The following EML6 variants were observed in gnomAD, a reference collection of about 807,000 sequenced individuals.
EML6 encodes the protein EMAP like 6, also known as echinoderm microtubule-associated protein-like 6.
In EML6, 154 loss-of-function variants were observed where a neutral mutation model predicts 240.1. That is an observed-to-expected ratio of 0.64 (90% CI 0.56 to 0.73). The LOEUF (loss-of-function observed/expected upper bound fraction) is 0.73. Ranked by LOEUF, EML6 falls within the 30% of genes least tolerant of loss-of-function variation. The probability of loss-of-function intolerance (pLI) is 0.00; values close to 1 mark genes in which losing one functional copy is unlikely to be tolerated. For missense variants in EML6, 2,964 were observed against 2,474.6 expected, an observed-to-expected ratio of 1.20 and a Z score of -4.20; for synonymous variants, 1,148 against 899.0, an observed-to-expected ratio of 1.28 and a Z score of -4.95.
At chr2:54,929,642 G>C (rs1246617846) in intron 28 of EML6, among the ~76,000 whole-genome samples, 1 of 151,818 alleles carries the variant, frequency 6.6e-6, no homozygotes, top group Non-Finnish European at 1.5e-5. Context: ...CAATAAGTCT[G>C]ACCTATCACT....
chr2:54,810,708 A>C (rs1572935345), intron 2 of EML6, among the ~76,000 whole-genome samples: 1 of 151,966 alleles, frequency 6.6e-6, no homozygotes, highest in East Asian at 1.9e-4. Flanking sequence ...GGCAGCATTC[A>C]CTCCCTCTTC....
At chr2:54,951,923 T>G (rs991488799) in intron 30 of EML6, among the ~76,000 whole-genome samples, 1 of 152,216 alleles carries the variant, frequency 6.6e-6, no homozygotes, top group Non-Finnish European at 1.5e-5. Context: ...TACACCATCA[T>G]TCATCTTTAG....
At chr2:54,820,130 G>A (rs1050465782) in intron 4 of EML6, among the ~76,000 whole-genome samples, 2 of 152,034 alleles carry the variant, frequency 1.3e-5, no homozygotes, top group Non-Finnish European at 2.9e-5. Flanking sequence ...ATCTCAAATG[G>A]ACAAAATTAA....
intron 32 of EML6, among the ~76,000 whole-genome samples, chr2:54,957,015 A>C (rs1164432256): frequency 6.6e-5 from 10 of 152,214 alleles, no homozygotes; most frequent in Non-Finnish European, 4.4e-5. Context: ...ATACTGGCTA[A>C]CACATGATCA....
In EML6 at chr2:54,863,861, A is replaced by G; in HGVS notation, c.1904A>G (p.Gln635Arg). The G allele has an allele frequency of 6.5e-7, 1 of 1,545,408 alleles. No individual in the cohort carries two copies. The highest frequency in any genetic ancestry group is 8.7e-7 in the Non-Finnish European group (1 of 1,143,320). Residue 635 changes from glutamine to arginine, a missense_variant, in exon 13 of 42, where the codon CAA becomes CGA. Physicochemically the swap from Gln to Arg is conservative, Grantham distance 43. Transcript: ENST00000356458. ...DVPELDSDIE[Q>R]EAQINYDRQV... ...CCCGAACTGGACTCTGATATTGAGC[A>G]AGAAGCTCAAATCAATTATGATCGC...
intron 28 of EML6, among the ~76,000 whole-genome samples, chr2:54,929,576 T>C (rs908607993): frequency 6.6e-6 from 1 of 152,226 alleles, no homozygotes; most frequent in African/African-American, 2.4e-5. Flanking sequence ...GGTCCCACAA[T>C]ATGTAATTTA....
intron 2 of EML6, among the ~76,000 whole-genome samples, chr2:54,808,008 C>G (rs1027017542): frequency 6.6e-6 from 1 of 152,234 alleles, no homozygotes; most frequent in Non-Finnish European, 1.5e-5. Flanking sequence ...CACCACTCAT[C>G]AAGCTTGTTA....
chr2:54,931,425 A>G (rs1212214613), intron 28 of EML6, among the ~76,000 whole-genome samples: 1 of 152,170 alleles, frequency 6.6e-6, no homozygotes, highest in Non-Finnish European at 1.5e-5. Context: ...CATGGACTCT[A>G]GCATCCTGGA....
intron 2 of EML6, among the ~76,000 whole-genome samples, chr2:54,812,887 A>G (rs1225209193): frequency 6.6e-6 from 1 of 152,224 alleles, no homozygotes; most frequent in Admixed American, 6.5e-5. Flanking sequence ...AGCTAACTTG[A>G]AAACAAGTAA....
At chr2:54,840,795 G>T (rs1289393667) in intron 7 of EML6, among the ~76,000 whole-genome samples, 1 of 152,212 alleles carries the variant, frequency 6.6e-6, no homozygotes, top group African/African-American at 2.4e-5. Context: ...TCTCTTCACA[G>T]ACCTTTCTAT....
chr2:54,963,870 G>A (rs1676633403), intron 36 of EML6, 116 bp from the exon 37 acceptor site: 2 of 831,412 alleles, frequency 2.4e-6, no homozygotes, highest in African/African-American at 3.5e-5. Context: ...CAAGAGATTT[G>A]GTGGCCTGCA....
chr2:54,772,142 CA>C (rs1668428826), intron 2 of EML6, among the ~76,000 whole-genome samples: 1 of 152,148 alleles, frequency 6.6e-6, no homozygotes. Context: ...GCAATTTTAC[CA>C]ACTATTTATG....
At chr2:54,923,364 A>AACACACACACACAC (rs1553416829) in intron 26 of EML6, among the ~76,000 whole-genome samples, 4 of 52,962 alleles carry the variant, frequency 7.6e-5, no homozygotes, top group African/African-American at 2.9e-4. Context: ...GTCCTCACCA[A>AACACACACACACAC]ACGCACACAC....
chr2:54,967,169 C>G, intron 39 of EML6, 66 bp downstream of exon 39: 1 of 1,079,114 alleles, frequency 9.3e-7, no homozygotes, highest in Non-Finnish European at 1.4e-6. Context: ...CACTCAGGCT[C>G]AGCCTCCAAG....
chr2:54,824,462 C>A (rs1668491929), intron 5 of EML6, among the ~76,000 whole-genome samples: 1 of 152,118 alleles, frequency 6.6e-6, no homozygotes, highest in African/African-American at 2.4e-5. Flanking sequence ...ACCAGGATTT[C>A]TCCACTTTTT....
At chr2:54,950,242 C>A (rs1194810577) in intron 29 of EML6, among the ~76,000 whole-genome samples, 1 of 152,202 alleles carries the variant, frequency 6.6e-6, no homozygotes, top group Middle Eastern at 3.2e-3. Context: ...GCTCTACCCA[C>A]CCTGGTCACA....
intron 24 of EML6, among the ~76,000 whole-genome samples, chr2:54,907,825 T>C (rs1457246535): frequency 1.3e-5 from 2 of 152,158 alleles, no homozygotes; most frequent in Non-Finnish European, 2.9e-5. Flanking sequence ...CAAACAGAGT[T>C]TTTGTTCTTG....
intron 2 of EML6, among the ~76,000 whole-genome samples, chr2:54,788,711 T>G (rs1245061303): frequency 6.6e-6 from 1 of 152,238 alleles, no homozygotes; most frequent in Non-Finnish European, 1.5e-5. Flanking sequence ...ATTCCTGTTG[T>G]TTTGGTGTGA....
chr2:54,871,409 C>T, intron 15 of EML6, 91 bp from the exon 16 acceptor site: 1 of 961,588 alleles, frequency 1.0e-6, no homozygotes, highest in Non-Finnish European at 1.6e-6. Flanking sequence ...ATGGGTTTAT[C>T]TTGGTTTCTG....
Sources: gnomAD v4.1 joint callset for allele counts (sites outside exome capture counted in the v4.1 genomes callset) on GRCh38, gnomAD v4.1.1 for gene constraint, MANE v1.5 for transcripts, NCBI Gene and HGNC (gene_info 2026-07-23, HGNC 2026-07-21) for gene names.